Variants in GSG1L observed in about 807,000 individuals in gnomAD.
GSG1L encodes the protein germ cell-specific gene 1-like protein.
A neutral mutation model predicts 42.1 loss-of-function variants in GSG1L; 24 were observed. That is an observed-to-expected ratio of 0.57 (90% confidence interval 0.41 to 0.80). GSG1L has a LOEUF of 0.80. Among genes scored for constraint, GSG1L ranks in the 30% least tolerant of loss-of-function variants. GSG1L has a pLI of 0.00. For synonymous variants in GSG1L, 215 were observed against 203.5 expected (o/e 1.06, Z -0.48); for missense variants, 445 against 472.2 (o/e 0.94, Z 0.53).
chr16:27,927,607 C>T (rs2084609583), intron 2 of GSG1L, among the ~76,000 whole-genome samples: 1 of 152,140 alleles, frequency 6.6e-6, no homozygotes. Flanking sequence ...ACATGCCAAT[C>T]CCTGATTAGA....
rs1201568720 is a variant in GSG1L, at chr16:27,828,910, T to C, written c.709A>G (p.Thr237Ala). Residue 237 changes from threonine to alanine, a missense_variant, in exon 5 of 7, where the codon ACG (threonine) becomes GCG (alanine). By Grantham distance (58) the Thr-to-Ala change is moderately conservative. Transcript: ENST00000447459. ...FTCCMAASVT[T>A]LNSYTKTVIE... The stretch of plus-strand genomic sequence containing the variant: ...ACCGTCTTGGTGTAGGAGTTGAGCG[T>C]GGTGACAGAGGCTGCCATGCAGCAG... 6.2e-7 allele frequency: 1 copy of C among 1,614,128 alleles called. No individual in the cohort carries two copies. Among genetic ancestry groups the C allele is most frequent in the Non-Finnish European group, 8.5e-7 (1 of 1,180,030 alleles).
intron 1 of GSG1L, among the ~76,000 whole-genome samples, chr16:28,060,881 T>A (rs2086332400): frequency 1.3e-5 from 2 of 152,218 alleles, no homozygotes; most frequent in African/African-American, 2.4e-5. Context: ...AATAATTTTT[T>A]AAAATACTTA....
At position 27,832,198 on chromosome 16, in the gene GSG1L, G is replaced by T. The variant is rs554813115; in HGVS notation, c.663-3242C>A. On this transcript the variant is annotated intron_variant, in intron 4 of 6. Coordinates refer to ENST00000447459, the MANE Select transcript of GSG1L (RefSeq NM_001109763.2). Reference sequence around the variant, plus strand: ...TGAGATAATTACAGATTCACAAACAGCTGTAAGAAATGATATAGAGAGAGA... The same window carrying T: ...TGAGATAATTACAGATTCACAAACATCTGTAAGAAATGATATAGAGAGAGA... Among the ~76,000 whole-genome samples, 35 of 152,160 alleles carry T rather than the reference G, an allele frequency of 2.3e-4. No homozygotes were observed. The South Asian group carries it at 7.1e-3, about 31-fold the overall frequency.
At chr16:27,829,817 T>C (rs890404278) in intron 4 of GSG1L, among the ~76,000 whole-genome samples, 2 of 152,178 alleles carry the variant, frequency 1.3e-5, no homozygotes, top group African/African-American at 4.8e-5. Flanking sequence ...GTCTGGCACA[T>C]AGTAGGCACT....
At chr16:27,953,772 G>A (rs1178758839) in intron 2 of GSG1L, among the ~76,000 whole-genome samples, 1 of 152,060 alleles carries the variant, frequency 6.6e-6, no homozygotes, top group Non-Finnish European at 1.5e-5. Context: ...CCAGCTGCTC[G>A]GAAGGCTGAG....
intron 2 of GSG1L, among the ~76,000 whole-genome samples, chr16:27,885,060 A>G (rs1399809170): frequency 6.6e-6 from 1 of 152,164 alleles, no homozygotes; most frequent in Non-Finnish European, 1.5e-5. Context: ...GGTTTCATGA[A>G]ATAAACTGCT....
chr16:28,004,459 G>C (rs980698109), intron 1 of GSG1L, among the ~76,000 whole-genome samples: 3 of 147,484 alleles, frequency 2.0e-5, no homozygotes, highest in Non-Finnish European at 3.0e-5. Context: ...GAGAGAGAAG[G>C]GGAGAGTGAG....
At chr16:28,010,088 T>C (rs1463985135) in intron 1 of GSG1L, among the ~76,000 whole-genome samples, 2 of 151,944 alleles carry the variant, frequency 1.3e-5, no homozygotes, top group Admixed American at 1.3e-4. Flanking sequence ...TTTGCACGCG[T>C]GAGGAAGAGA....
At chr16:27,957,855 A>C (rs2085024023) in intron 2 of GSG1L, among the ~76,000 whole-genome samples, 1 of 152,146 alleles carries the variant, frequency 6.6e-6, no homozygotes, top group Non-Finnish European at 1.5e-5. Flanking sequence ...TCATGGTGGA[A>C]GATGTAGAGG....
In GSG1L at chr16:28,059,433, T is replaced by A. The variant is rs530473767; in HGVS notation, c.349+3643A>T. 5.3e-4 allele frequency among the ~76,000 whole-genome samples: 80 copies of A among 151,788 alleles called. No individual in the cohort carries two copies. Among genetic ancestry groups the A allele is most frequent in the Non-Finnish European group, 8.4e-4 (57 of 67,906 alleles). ...ACTGGTCTCTCTCTTCTCTCTCCAG[T>A]CTCACCTCCCTCCTGCCAGCCTGGC... On this transcript the variant is annotated intron_variant, in intron 1 of 6. Coordinates refer to ENST00000447459, the MANE Select transcript of GSG1L (RefSeq NM_001109763.2). The surrounding 1 kb of genome is among the most constrained non-coding windows in gnomAD (Gnocchi z 4.4).
chr16:27,872,874 C>G (rs1452807590), intron 3 of GSG1L, among the ~76,000 whole-genome samples: 1 of 152,116 alleles, frequency 6.6e-6, no homozygotes, highest in Non-Finnish European at 1.5e-5. Context: ...CCAGAAAACT[C>G]ATGAATAATC....
intron 4 of GSG1L, among the ~76,000 whole-genome samples, chr16:27,844,122 T>C (rs1411020870): frequency 6.6e-6 from 1 of 152,214 alleles, no homozygotes; most frequent in African/African-American, 2.4e-5. Flanking sequence ...TTCCTTTCCA[T>C]GAACCAATGT....
chr16:27,866,422 T>C (rs2083725798), intron 3 of GSG1L, among the ~76,000 whole-genome samples: 1 of 152,194 alleles, frequency 6.6e-6, no homozygotes, highest in African/African-American at 2.4e-5. Context: ...GTAGTCTGAC[T>C]ATTATCCCAT....
chr16:27,822,048 T>C (rs1485484249), intron 5 of GSG1L, among the ~76,000 whole-genome samples: 3 of 151,782 alleles, frequency 2.0e-5, no homozygotes, highest in South Asian at 2.1e-4. Flanking sequence ...GAGTGTATCT[T>C]ATTTGCCCTG....
At chr16:27,948,087 AC>A (rs1013779425) in intron 2 of GSG1L, among the ~76,000 whole-genome samples, 1 of 151,810 alleles carries the variant, frequency 6.6e-6, no homozygotes, top group Non-Finnish European at 1.5e-5. Flanking sequence ...TTCACTCCTT[AC>A]CCCCCTTGCT....
chr16:27,788,040 C>T lies in GSG1L; in HGVS notation c.*3330G>A, dbSNP rs1406107441. ...ATGGAAAGTGAATTAACAAATTGTT[C>T]GCTTGATGAATCAATGCGTGAATGA... is the stretch of plus-strand genomic sequence containing the variant. On this transcript the variant is annotated 3_prime_UTR_variant, in exon 7 of 7. Coordinates refer to ENST00000447459, the MANE Select transcript of GSG1L (RefSeq NM_001109763.2). The T allele has an allele frequency of 1.3e-5, 2 of 152,192 alleles. No homozygotes were observed. The highest frequency in any genetic ancestry group is 4.8e-5 in the African/African-American group (2 of 41,434). The allele number at this position is 152,192 out of a possible 1,614,324, so 9.4% of individuals were successfully genotyped here.
chr16:27,886,038 A>G (rs763540762), intron 2 of GSG1L, among the ~76,000 whole-genome samples: 2 of 152,196 alleles, frequency 1.3e-5, no homozygotes, highest in Non-Finnish European at 2.9e-5. Context: ...TCTGGGCTCC[A>G]TGATGGGGAC....
At chr16:27,871,968 G>A (rs905646813) in intron 3 of GSG1L, among the ~76,000 whole-genome samples, 2 of 152,154 alleles carry the variant, frequency 1.3e-5, no homozygotes, top group Admixed American at 6.5e-5. Flanking sequence ...TATGCTGATG[G>A]TTACTAAAAA....
At chr16:28,046,555 C>T (rs958271853) in intron 1 of GSG1L, among the ~76,000 whole-genome samples, 5 of 151,936 alleles carry the variant, frequency 3.3e-5, no homozygotes, top group African/African-American at 7.3e-5. Flanking sequence ...GGGGTTTCAC[C>T]GTGTTAGCCA....
Sources: gnomAD v4.1 joint callset for allele counts (sites outside exome capture counted in the v4.1 genomes callset) on GRCh38, gnomAD v4.1.1 for gene constraint, Gnocchi (gnomAD v3.1) non-coding constraint, MANE v1.5 for transcripts, NCBI Gene and HGNC (gene_info 2026-07-23, HGNC 2026-07-21) for gene names.